The following OPRM1 variants were observed in gnomAD, a reference collection of about 807,000 sequenced individuals.
OPRM1 encodes opioid receptor mu 1.
Under a neutral mutation model 31.8 loss-of-function variants are expected in OPRM1, and 27 were observed. The ratio of observed to expected loss-of-function variants is 0.85; its 90% CI spans 0.63 to 1.17. The LOEUF (loss-of-function observed/expected upper bound fraction) is 1.17. Among genes scored for constraint, OPRM1 ranks in the 50% most tolerant of loss-of-function variants. The pLI, the probability that OPRM1 is intolerant of heterozygous loss-of-function variation, is 0.00. For synonymous variants in OPRM1, 196 were observed against 189.9 expected (o/e 1.03, Z -0.26); for missense variants, 536 against 511.1 (o/e 1.05, Z -0.47).
chr6:154,047,407 C>T (rs548171683), intron 1 of OPRM1, among the ~76,000 whole-genome samples: 4 of 151,746 alleles, frequency 2.6e-5, no homozygotes, highest in African/African-American at 7.3e-5. Flanking sequence ...AACCTAAAAG[C>T]GTGACTGGCA....
At chr6:154,207,422 G>A (rs1034574265) in intron 3 of OPRM1, among the ~76,000 whole-genome samples, 2 of 152,098 alleles carry the variant, frequency 1.3e-5, no homozygotes, top group African/African-American at 4.8e-5. Context: ...TCCACTTGCA[G>A]TTCTGTTCTT....
chr6:154,163,443 A>G (rs112430612), intron 3 of OPRM1, among the ~76,000 whole-genome samples: 100 of 152,320 alleles, frequency 6.6e-4, no homozygotes, highest in African/African-American at 2.3e-3. Flanking sequence ...TTAAATATCA[A>G]TTCCTCAACA....
At chr6:154,212,752 A>G in intron 3 of OPRM1, 1 of 1,531,320 alleles carries the variant, frequency 6.5e-7, no homozygotes. Context: ...CCAACAGACT[A>G]CTTATGTCGG....
rs1189488520 is a variant in OPRM1 at position 154,111,757 on chromosome 6, TTTA to T, written c.1165-6923_1165-6921del. Among the ~76,000 whole-genome samples the T allele has an allele frequency of 4.0e-3, 8 of 1,990 alleles. No individual in the cohort carries two copies. The East Asian group carries it at 0.42, about 104-fold the overall frequency. 1.3% of individuals were successfully genotyped at this position (1,990 alleles called of 152,430 possible). On this transcript the variant is annotated intron_variant, in intron 3 of 3. Coordinates refer to ENST00000330432, the MANE Select transcript of OPRM1 (RefSeq NM_000914.5). ...CTGGAAAAACTATAGTTTATTTTTA[TTTA>T]TTTATTTATTTATTTATTTATTTTG...
chr6:154,054,451 A>C (rs927858915), intron 1 of OPRM1, among the ~76,000 whole-genome samples: 15 of 151,848 alleles, frequency 9.9e-5, no homozygotes, highest in Non-Finnish European at 1.6e-4. Context: ...GGCATAAGTA[A>C]GTGTAAAAGT....
chr6:154,049,228 C>T (rs1202538621), intron 1 of OPRM1, among the ~76,000 whole-genome samples: 1 of 152,142 alleles, frequency 6.6e-6, no homozygotes, highest in Non-Finnish European at 1.5e-5. Flanking sequence ...GGACACTAAG[C>T]AGAACTTCCA....
At position 154,199,904 on chromosome 6, in the gene OPRM1, G is replaced by A. The variant is rs574726765; in HGVS notation, c.1165-46789G>A. 192 of 1,614,212 alleles carry A rather than the reference G, an allele frequency of 1.2e-4. No homozygotes were observed. In the South Asian group the frequency reaches 2.0e-3, roughly 16 times the overall value. ...TTCAGCAGCAGACAAACTGTTAACT[G>A]TGTCAGGCAAGGATTGTCTCTCTTT... is the stretch of plus-strand genomic sequence containing the variant. On this transcript the variant is annotated intron_variant, in intron 3 of 3. Coordinates refer to the OPRM1 transcript ENST00000337049.
At chr6:154,073,578 C>G (rs1373899788) in intron 1 of OPRM1, 2 of 152,238 alleles carry the variant, frequency 1.3e-5, no homozygotes, top group Non-Finnish European at 1.5e-5. Flanking sequence ...AGGATCATCT[C>G]AAAGCCAATA....
At chr6:154,187,240 C>T (rs1801458388) in intron 3 of OPRM1, among the ~76,000 whole-genome samples, 1 of 152,068 alleles carries the variant, frequency 6.6e-6, no homozygotes, top group Non-Finnish European at 1.5e-5. Context: ...CACACCCCAC[C>T]CCATACCCCA....
rs569534191 is a variant in OPRM1, at chr6:154,058,235, C to A, written c.290+18401C>A. Among the ~76,000 whole-genome samples the A allele has an allele frequency of 1.3e-4, 20 of 152,118 alleles. 1 individual carries two copies. Among genetic ancestry groups the A allele is most frequent in the African/African-American group, 3.9e-4 (16 of 41,498 alleles). ...AAAAATTGTATATAAAGATATATGC[C>A]TTCTGCTATATCAAAAAATTCTAAC... On this transcript the variant is annotated intron_variant, in intron 1 of 3. Transcript: ENST00000330432.
intron 3 of OPRM1, chr6:154,214,247 A>C: frequency 6.2e-7 from 1 of 1,611,620 alleles, no homozygotes; most frequent in Non-Finnish European, 8.5e-7. Context: ...TTCCTGATGG[A>C]TTACAGCCGA....
At chr6:154,060,459 T>A (rs1784172731) in intron 1 of OPRM1, among the ~76,000 whole-genome samples, 1 of 152,228 alleles carries the variant, frequency 6.6e-6, no homozygotes, top group Non-Finnish European at 1.5e-5. Flanking sequence ...ATGAAAAGTA[T>A]GGAAACCTAG....
At chr6:154,062,458 T>C (rs1340013540) in intron 1 of OPRM1, among the ~76,000 whole-genome samples, 1 of 152,074 alleles carries the variant, frequency 6.6e-6, no homozygotes, top group African/African-American at 2.4e-5. Context: ...ATGGGACTTC[T>C]TTGCTTTGCC....
chr6:154,223,030 G>T, intron 3 of OPRM1: 1 of 697,866 alleles, frequency 1.4e-6, no homozygotes, highest in Non-Finnish European at 2.5e-6. Flanking sequence ...TCTATGTAGG[G>T]TGCCAACCCA....
chr6:154,055,015 A>G (rs1782958137), intron 1 of OPRM1, among the ~76,000 whole-genome samples: 1 of 152,244 alleles, frequency 6.6e-6, no homozygotes, highest in African/African-American at 2.4e-5. Flanking sequence ...AAAAATAGCC[A>G]TATTCAACCT....
chr6:154,013,034 T>TGGG lies in OPRM1; in HGVS notation c.-1+2021_-1+2023dup, dbSNP rs546381876. On this transcript the variant is annotated intron_variant, in intron 1 of 5. Transcript: ENST00000434900. The stretch of plus-strand genomic sequence containing the variant: ...AACATATGAATGTGGTTGGCAGGGC[T>TGGG]GGGGGGGTACACAAATAGCATATGA... Among the ~76,000 whole-genome samples the TGGG allele has an allele frequency of 7.9e-3, 1,207 of 152,096 alleles. 20 individuals carry two copies. The highest frequency in any genetic ancestry group is 0.027 in the African/African-American group (1,136 of 41,474).
At chr6:154,021,805 C>T (rs1778388143) in intron 1 of OPRM1, among the ~76,000 whole-genome samples, 1 of 152,100 alleles carries the variant, frequency 6.6e-6, no homozygotes, top group Admixed American at 6.5e-5. Flanking sequence ...ACCATTTTTG[C>T]CACCTTGTTA....
At chr6:154,047,157 C>T (rs560377047) in intron 1 of OPRM1, among the ~76,000 whole-genome samples, 31 of 150,894 alleles carry the variant, frequency 2.1e-4, no homozygotes, top group Non-Finnish European at 3.7e-4. Context: ...AAAGGTGCAA[C>T]CCCATCATGT....
intron 3 of OPRM1, among the ~76,000 whole-genome samples, chr6:154,092,135 G>T (rs189779406): frequency 6.6e-6 from 1 of 152,092 alleles, no homozygotes; most frequent in East Asian, 1.9e-4. Context: ...CCTCATGCTT[G>T]TTGGAGATAA....
Sources: gnomAD v4.1 joint callset for allele counts (sites outside exome capture counted in the v4.1 genomes callset) on GRCh38, gnomAD v4.1.1 for gene constraint, MANE v1.5 for transcripts, NCBI Gene and HGNC (gene_info 2026-07-23, HGNC 2026-07-21) for gene names.